NLRX1: variants seen among roughly 807,000 people sequenced by gnomAD.
NLRX1 encodes the protein NLR family member X1.
NLRX1 carries 67 observed loss-of-function variants against 74.2 expected under a neutral mutation model. The observed-to-expected ratio is 0.90, with a 90% CI of 0.74 to 1.11. The LOEUF is 1.11. NLRX1 is among the 50% of genes least tolerant of loss of function. The pLI is 0.00. For synonymous variants in NLRX1, 506 were observed against 559.1 expected, an observed-to-expected ratio of 0.91 and a Z score of 1.34; for missense variants, 1,191 against 1,305.4, an observed-to-expected ratio of 0.91 and a Z score of 1.35.
chr11:119,175,963 A>G (rs1009315234), intron 6 of NLRX1, among the ~76,000 whole-genome samples: 1 of 152,252 alleles, frequency 6.6e-6, no homozygotes, highest in African/African-American at 2.4e-5. Context: ...AGGAAATACT[A>G]TTATGATCCC....
chr11:119,183,999 C>G lies in NLRX1; in HGVS notation c.*560C>G. ...CACCTGACTTGCTGCTATTAAAAAG[C>G]CGTGTGCCTTCTACCAATTGTGGCC... On this transcript the variant is annotated 3_prime_UTR_variant, in exon 10 of 10. Transcript: ENST00000409109. The surrounding 1 kb of genome is among the most constrained non-coding windows in gnomAD (Gnocchi z 5.7). The G allele has an allele frequency of 1.3e-6, 1 of 741,412 alleles. No homozygotes were observed. The highest frequency in any genetic ancestry group is 2.5e-6 in the Non-Finnish European group (1 of 395,364). The allele number at this position is 741,412 out of a possible 1,614,324, so 45.9% of individuals were successfully genotyped here.
chr11:119,174,205 G>T, intron 5 of NLRX1, 107 bp downstream of exon 5: 1 of 1,389,620 alleles, frequency 7.2e-7, no homozygotes, highest in Non-Finnish European at 9.7e-7. Flanking sequence ...GTGCGACCCT[G>T]AGCAAGTCAG....
chr11:119,181,158 CCTT>C lies in NLRX1; in HGVS notation c.2268-10_2268-8del, dbSNP rs776328499. On this transcript the variant is annotated splice_polypyrimidine_tract_variant and intron_variant, in intron 7 of 9. Coordinates refer to ENST00000409109, the MANE Select transcript of NLRX1 (RefSeq NM_001282144.2). ...TGGTCTCTCACCTCCCCTCTGGCCA[CCTT>C]CTGCTCCAGCTTGCAACTCAACAGC... The C allele has an allele frequency of 6.8e-6, 11 of 1,610,768 alleles. No individual in the cohort carries two copies. The highest frequency in any genetic ancestry group is 2.7e-5 in the African/African-American group (2 of 74,992).
Position 119,174,440 on chromosome 11 carries a change from A to T in NLRX1, c.850-13A>T, listed in dbSNP as rs1190548837. 5 of 1,609,640 alleles carry T rather than the reference A, an allele frequency of 3.1e-6. No homozygotes were observed. Among genetic ancestry groups the T allele is most frequent in the Non-Finnish European group, 4.2e-6 (5 of 1,177,230 alleles). ...CTAAGGTCTTTCTTAACTCTCAACC[A>T]TGCTCTTCCCAGGCCAGCATTCTGG... On this transcript the variant is annotated splice_polypyrimidine_tract_variant and intron_variant, in intron 5 of 9. Transcript: ENST00000409109.
rs1279898245 is a variant in NLRX1, at chr11:119,173,770, C to T, written c.521C>T (p.Thr174Met). 1.2e-6 allele frequency: 2 copies of T among 1,613,530 alleles called. No homozygotes were observed. The highest frequency in any genetic ancestry group is 1.3e-5 in the African/African-American group (1 of 74,940). The change falls in exon 5 of 10, where the codon ACG becomes ATG. Residue 174 changes from threonine to methionine, a missense_variant. Thr to Met is a moderately conservative substitution (Grantham distance 81). Coordinates refer to ENST00000409109, the MANE Select transcript of NLRX1 (RefSeq NM_001282144.2). This position sits in a 1 kb window ranked among gnomAD's most constrained non-coding sequence, Gnocchi z 4.0. ...LYGTVGTGKSTLVRKMVLDWC... is the reference protein window; with the variant it reads ...LYGTVGTGKSMLVRKMVLDWC... ...GGGACAGTGGGCACAGGCAAGAGCA[C>T]GCTGGTGCGCAAGATGGTTCTGGAC...
chr11:119,173,192 G>C lies in NLRX1; in HGVS notation c.229+203G>C, dbSNP rs751609996. On this transcript the variant is annotated intron_variant, in intron 4 of 9. Coordinates refer to ENST00000409109, the MANE Select transcript of NLRX1 (RefSeq NM_001282144.2). This position sits in a 1 kb window ranked among gnomAD's most constrained non-coding sequence, Gnocchi z 4.0. Reference sequence around the variant, plus strand: ...GCACACTTATATGTACAAAGCGCTAGGAGAGCCATACCATCCCTATGCTCA... The same window carrying C: ...GCACACTTATATGTACAAAGCGCTACGAGAGCCATACCATCCCTATGCTCA... 5 of 616,518 alleles carry C rather than the reference G, an allele frequency of 8.1e-6. No individual in the cohort carries two copies. Among genetic ancestry groups the C allele is most frequent in the Non-Finnish European group, 1.4e-5 (5 of 348,212 alleles). The allele number at this position is 616,518 out of a possible 1,614,324, so 38.2% of individuals were successfully genotyped here.
In NLRX1 at chr11:119,182,085, T is replaced by C. The variant is rs543446167; in HGVS notation, c.2355-9T>C. The C allele has an allele frequency of 4.6e-5, 74 of 1,613,078 alleles. 2 individuals carry two copies. The South Asian group carries it at 7.8e-4, about 17-fold the overall frequency. ...AGCCCTCATAACCTTGGGTTGCACGTGGCTGTAGGCTGTCCAACAACCCGC... is the reference window on the plus strand; with the variant it reads ...AGCCCTCATAACCTTGGGTTGCACGCGGCTGTAGGCTGTCCAACAACCCGC... On this transcript the variant is annotated splice_polypyrimidine_tract_variant and intron_variant, in intron 8 of 9. Coordinates refer to ENST00000409109, the MANE Select transcript of NLRX1 (RefSeq NM_001282144.2).
At chr11:119,182,448 G>A in intron 9 of NLRX1, 103 bp downstream of exon 9, 2 of 1,475,316 alleles carry the variant, frequency 1.4e-6, no homozygotes, top group South Asian at 2.5e-5. Context: ...CCTGGGCCTG[G>A]TGCCTGTCCT....
In NLRX1 at chr11:119,172,913, C is replaced by A. The variant is rs761427959; in HGVS notation, c.153C>A (p.Arg51=). The change falls in exon 4 of 10, where the codon CGC becomes CGA. Residue 51 remains arginine (R), a synonymous_variant. Coordinates refer to ENST00000409109, the MANE Select transcript of NLRX1 (RefSeq NM_001282144.2). The stretch of plus-strand genomic sequence containing the variant: ...TCCTTGTTCCCAGGGCCTTTATACG[C>A]CACCACGGAAGCTCGGTAGATAGCG... The part of the protein sequence containing the change: ...RPFGPPRAFI[R]HHGSSVDSAP... 32 of 1,613,780 alleles carry A rather than the reference C, an allele frequency of 2.0e-5. No homozygotes were observed.
Position 119,180,272 on chromosome 11 carries a change from C to T in NLRX1, c.2251C>T (p.Arg751Cys), listed in dbSNP as rs749134937. 36 of 1,581,812 alleles carry T rather than the reference C, an allele frequency of 2.3e-5. No homozygotes were observed. Among genetic ancestry groups the T allele is most frequent in the Admixed American group, 5.1e-5 (3 of 58,794 alleles). Residue 751 changes from arginine to cysteine, a missense_variant, in exon 7 of 10, where the codon CGT (arginine) becomes TGT (cysteine). Physicochemically the swap from Arg to Cys is radical, Grantham distance 180. Transcript: ENST00000409109. ...GLRTLLPVFLRARKLGLQLNS... is the reference protein window; with the variant it reads ...GLRTLLPVFLCARKLGLQLNS... ...GCGCACACTCCTGCCTGTCTTCCTG[C>T]GTGCCCGGAAGCTGGGGTGAGGACC...
At position 119,183,193 on chromosome 11, in the gene NLRX1, C is replaced by T. The variant is rs746007961; in HGVS notation, c.2682C>T (p.Ala894=). Residue 894 remains alanine (A), a synonymous_variant, in exon 10 of 10, where the codon GCC becomes GCT. Coordinates refer to ENST00000409109, the MANE Select transcript of NLRX1 (RefSeq NM_001282144.2). This position sits in a 1 kb window ranked among gnomAD's most constrained non-coding sequence, Gnocchi z 5.7. ...TGGGGGGTGCTGCTGAAGGTGGTGC[C>T]CGGGTGGTGGTGTCACTGACAGAGG... is the stretch of plus-strand genomic sequence containing the variant. The part of the protein sequence containing the change: ...RDLGGAAEGG[A]RVVVSLTEGT... 1 of 1,614,178 alleles carries T rather than the reference C, an allele frequency of 6.2e-7. No homozygotes were observed. Among genetic ancestry groups the T allele is most frequent in the South Asian group, 1.1e-5 (1 of 91,090 alleles).
At chr11:119,171,532 G>A in intron 2 of NLRX1, 59 bp downstream of exon 2, 1 of 1,284,276 alleles carries the variant, frequency 7.8e-7, no homozygotes, top group East Asian at 2.3e-5. Context: ...GGGTCCACAT[G>A]ATGCCTCCAA....
intron 1 of NLRX1, among the ~76,000 whole-genome samples, chr11:119,169,776 G>A (rs113575891): frequency 0.058 from 8,759 of 152,188 alleles, 251 homozygotes; most frequent in African/African-American, 0.071. Flanking sequence ...GATCACTTGA[G>A]CCCAGGAGTT....
At chr11:119,175,339 A>G (rs1373133780) in intron 6 of NLRX1, 65 bp downstream of exon 6, 5 of 1,410,942 alleles carry the variant, frequency 3.5e-6, no homozygotes, top group Non-Finnish European at 2.9e-6. Context: ...CAAGCCGCCC[A>G]CGCCCCCACA....
In NLRX1 at chr11:119,169,025, G is replaced by A. The variant is rs1252571911; in HGVS notation, c.-326G>A. Reference sequence around the variant, plus strand: ...CTCTGGGCCGCGGCCGACGGCTCCCGGAACTGGGCAGCCGCGGGTAAAGGC... The same window carrying A: ...CTCTGGGCCGCGGCCGACGGCTCCCAGAACTGGGCAGCCGCGGGTAAAGGC... On this transcript the variant is annotated 5_prime_UTR_variant, in exon 1 of 10. Transcript: ENST00000409109. 1.3e-5 allele frequency: 2 copies of A among 152,232 alleles called. No homozygotes were observed. The highest frequency in any genetic ancestry group is 4.8e-5 in the African/African-American group (2 of 41,462). 9.4% of individuals were successfully genotyped at this position (152,232 alleles called of 1,614,324 possible). A position where few individuals can be genotyped will look rare whatever the true frequency, so the allele number is the denominator to read the frequency against.
chr11:119,174,604 C>A lies in NLRX1; in HGVS notation c.1001C>A (p.Ala334Asp). 1 of 1,614,168 alleles carries A rather than the reference C, an allele frequency of 6.2e-7. No homozygotes were observed. The highest frequency in any genetic ancestry group is 8.5e-7 in the Non-Finnish European group (1 of 1,180,042). ...CTCAACCAGCCGTACTGCGGGTATG[C>A]CGTTGGCGGTTCAGGTGTCTCTGCC... ...LRLNQPYCGYAVGGSGVSATP... is the reference protein window; with the variant it reads ...LRLNQPYCGYDVGGSGVSATP... Residue 334 changes from alanine (A) to aspartate (D), a missense_variant, in exon 6 of 10, where the codon GCC (alanine) becomes GAC (aspartate). Physicochemically the swap from Ala to Asp is moderately radical, Grantham distance 126. Transcript: ENST00000409109.
At position 119,173,346 on chromosome 11, in the gene NLRX1, T is replaced by C; in HGVS notation, c.230-133T>C. ...CAGTCTATATTTTCTCAGGGAGTCT[T>C]GTGTGCCCACCATTGTGGGCCCCAG... On this transcript the variant is annotated intron_variant, in intron 4 of 9. Coordinates refer to ENST00000409109, the MANE Select transcript of NLRX1 (RefSeq NM_001282144.2). This position sits in a 1 kb window ranked among gnomAD's most constrained non-coding sequence, Gnocchi z 4.0. 1.0e-6 allele frequency: 1 copy of C among 968,408 alleles called. No individual in the cohort carries two copies. The allele number at this position is 968,408 out of a possible 1,614,324, so 60.0% of individuals were successfully genotyped here. A position where few individuals can be genotyped will look rare whatever the true frequency, so the allele number is the denominator to read the frequency against.
intron 2 of NLRX1, 34 bp downstream of exon 2, chr11:119,171,507 C>G (rs760842190): frequency 6.6e-7 from 1 of 1,517,202 alleles, no homozygotes; most frequent in Non-Finnish European, 9.1e-7. Context: ...GTTTTTACCT[C>G]TTTCTTGCTT....
At position 119,175,342 on chromosome 11, in the gene NLRX1, C is replaced by T. The variant is rs1948678895; in HGVS notation, c.1671+68C>T. The T allele has an allele frequency of 3.6e-6, 5 of 1,383,432 alleles. No individual in the cohort carries two copies. In the South Asian group the frequency reaches 3.9e-5, roughly 11 times the overall value. The allele number at this position is 1,383,432 out of a possible 1,614,324, so 85.7% of individuals were successfully genotyped here. ...TCCCCAGCACCCCAAGCCGCCCACGCCCCCACATGGTTCCCTGTTCACCCC... is the reference window on the plus strand; with the variant it reads ...TCCCCAGCACCCCAAGCCGCCCACGTCCCCACATGGTTCCCTGTTCACCCC... On this transcript the variant is annotated intron_variant, in intron 6 of 9. Transcript: ENST00000409109.
Sources: gnomAD v4.1 joint callset for allele counts (sites outside exome capture counted in the v4.1 genomes callset) on GRCh38, gnomAD v4.1.1 for gene constraint, Gnocchi (gnomAD v3.1) non-coding constraint, MANE v1.5 for transcripts, NCBI Gene and HGNC (gene_info 2026-07-23, HGNC 2026-07-21) for gene names.